PPP2R2A: variants seen among roughly 807,000 people sequenced by gnomAD.
PPP2R2A encodes serine/threonine-protein phosphatase 2A 55 kDa regulatory subunit B alpha isoform.
In PPP2R2A, 9 loss-of-function variants were observed where a neutral mutation model predicts 53.2. The ratio of observed to expected loss-of-function variants is 0.17; its 90% CI spans 0.10 to 0.30. The LOEUF (loss-of-function observed/expected upper bound fraction) is 0.30, where lower values mean the gene tolerates loss of function less well. PPP2R2A is among the 10% of genes least tolerant of loss of function. The probability of loss-of-function intolerance (pLI) is 1.00; values close to 1 mark genes in which losing one functional copy is unlikely to be tolerated. For synonymous variants in PPP2R2A, 169 were observed against 174.2 expected, an observed-to-expected ratio of 0.97 and a Z score of 0.23; for missense variants, 235 against 534.6, an observed-to-expected ratio of 0.44 and a Z score of 5.53.
intron 2 of PPP2R2A, among the ~76,000 whole-genome samples, chr8:26,302,703 A>C (rs896995784): frequency 6.6e-6 from 1 of 152,226 alleles, no homozygotes; most frequent in Non-Finnish European, 1.5e-5. Context: ...AACTGACAGA[A>C]TATATTGTGG....
chr8:26,347,642 A>C (rs1188040563), intron 3 of PPP2R2A, among the ~76,000 whole-genome samples: 1 of 152,166 alleles, frequency 6.6e-6, no homozygotes, highest in African/African-American at 2.4e-5. Flanking sequence ...CTTATAGACA[A>C]ATAATAATGC....
At position 26,360,023 on chromosome 8, in the gene PPP2R2A, T is replaced by C; in HGVS notation, c.347-146T>C. The C allele has an allele frequency of 2.0e-6, 1 of 502,626 alleles. No individual in the cohort carries two copies. Among genetic ancestry groups the C allele is most frequent in the Non-Finnish European group, 3.6e-6 (1 of 281,394 alleles). 31.1% of individuals were successfully genotyped at this position (502,626 alleles called of 1,614,324 possible). On this transcript the variant is annotated intron_variant, in intron 4 of 9. Transcript: ENST00000380737. This position sits in a 1 kb window ranked among gnomAD's most constrained non-coding sequence, Gnocchi z 4.5. ...TGTGTGTATGTTATTCAGCTGATAA[T>C]AGGAAATTTTTTAGTAAGTTCAGAT...
intron 2 of PPP2R2A, among the ~76,000 whole-genome samples, chr8:26,310,848 A>C (rs920943683): frequency 6.6e-6 from 1 of 152,070 alleles, no homozygotes; most frequent in Non-Finnish European, 1.5e-5. Flanking sequence ...AGCACGTTCA[A>C]ATGTTGGAGC....
chr8:26,316,228 G>A (rs908432725), intron 2 of PPP2R2A, among the ~76,000 whole-genome samples: 12 of 152,110 alleles, frequency 7.9e-5, no homozygotes, highest in Admixed American at 3.3e-4. Context: ...AGGTGTTCTC[G>A]AACTTGTGAG....
intron 2 of PPP2R2A, among the ~76,000 whole-genome samples, chr8:26,303,213 A>T (rs1585326034): frequency 6.6e-6 from 1 of 152,194 alleles, no homozygotes; most frequent in African/African-American, 2.4e-5. Context: ...GTGAAGGAAG[A>T]ATACCTTCAG....
In PPP2R2A at chr8:26,291,846, C is replaced by T. The variant is rs1341892462; in HGVS notation, c.7+20C>T. On this transcript the variant is annotated intron_variant, in intron 1 of 9. Coordinates refer to ENST00000380737, the MANE Select transcript of PPP2R2A (RefSeq NM_002717.4). ...TGGCAGGTAAAGGAGAAATCCCCCT[C>T]GCCCCCTGACAAGGCACCGCTTCCT... 1.9e-6 allele frequency: 3 copies of T among 1,608,418 alleles called. No individual in the cohort carries two copies. Among genetic ancestry groups the T allele is most frequent in the East Asian group, 2.3e-5 (1 of 44,192 alleles).
chr8:26,298,183 G>A (rs1465518396), intron 2 of PPP2R2A, among the ~76,000 whole-genome samples: 1 of 152,012 alleles, frequency 6.6e-6, no homozygotes, highest in African/African-American at 2.4e-5. Flanking sequence ...GGACATTTTT[G>A]TTTCAATTTT....
chr8:26,354,611 T>G lies in PPP2R2A; in HGVS notation c.324T>G (p.Ala108=). The G allele has an allele frequency of 6.2e-7, 1 of 1,607,406 alleles. No homozygotes were observed. Among genetic ancestry groups the G allele is most frequent in the Non-Finnish European group, 8.5e-7 (1 of 1,176,716 alleles). The change falls in exon 4 of 10, where the codon GCT becomes GCG. Residue 108 remains alanine (A), a synonymous_variant. Coordinates refer to ENST00000380737, the MANE Select transcript of PPP2R2A (RefSeq NM_002717.4). This position sits in a 1 kb window ranked among gnomAD's most constrained non-coding sequence, Gnocchi z 4.6. The part of the protein sequence containing the change: ...KIRWLPQKNA[A]QFLLSTNDKT... Reference sequence around the variant, plus strand: ...GGTGGTTACCCCAGAAAAATGCTGCTCAGTTTTTATTGTCTACCAATGGTA... The same window carrying G: ...GGTGGTTACCCCAGAAAAATGCTGCGCAGTTTTTATTGTCTACCAATGGTA...
At chr8:26,326,918 T>C (rs1803117300) in intron 2 of PPP2R2A, among the ~76,000 whole-genome samples, 1 of 152,228 alleles carries the variant, frequency 6.6e-6, no homozygotes, top group Admixed American at 6.5e-5. Flanking sequence ...AGACTAAATG[T>C]ATTAGCAGCT....
At chr8:26,363,985 G>T (rs1563326411) in intron 8 of PPP2R2A, 95 bp downstream of exon 8, 13 of 1,193,018 alleles carry the variant, frequency 1.1e-5, no homozygotes, top group Non-Finnish European at 1.4e-5. Context: ...TCCCTGTATG[G>T]TGTTTGTTCA....
rs1804306697 is a variant in PPP2R2A at position 26,348,011 on chromosome 8, A to G, written c.181-6457A>G. Reference sequence around the variant, plus strand: ...CAGATATCATTTAATTTTGTTTTGTACCATTTCTGCCACTGTCCCTGAATG... The same window carrying G: ...CAGATATCATTTAATTTTGTTTTGTGCCATTTCTGCCACTGTCCCTGAATG... On this transcript the variant is annotated intron_variant, in intron 3 of 9. Transcript: ENST00000380737. Among the ~76,000 whole-genome samples, 2 of 152,114 alleles carry G rather than the reference A, an allele frequency of 1.3e-5. 1 individual carries two copies. The highest frequency in any genetic ancestry group is 4.1e-4 in the South Asian group (2 of 4,826).
chr8:26,305,296 T>A (rs1184279801), intron 2 of PPP2R2A, among the ~76,000 whole-genome samples: 1 of 152,206 alleles, frequency 6.6e-6, no homozygotes, highest in Non-Finnish European at 1.5e-5. Flanking sequence ...CTTTTGTTTA[T>A]TCATTCATTC....
intron 3 of PPP2R2A, among the ~76,000 whole-genome samples, chr8:26,341,913 C>G (rs981457438): frequency 1.3e-5 from 2 of 152,102 alleles, no homozygotes; most frequent in African/African-American, 4.8e-5. Flanking sequence ...TTTATTTTAC[C>G]CTTCAGAAGT....
At chr8:26,339,316 G>A (rs913470681) in intron 3 of PPP2R2A, among the ~76,000 whole-genome samples, 2 of 152,038 alleles carry the variant, frequency 1.3e-5, no homozygotes, top group African/African-American at 2.4e-5. Context: ...TTGAAACTCC[G>A]TAAAGCAAAG....
At position 26,291,709 on chromosome 8, in the gene PPP2R2A, T is replaced by G; in HGVS notation, c.-111T>G. 6 of 298,506 alleles carry G rather than the reference T, an allele frequency of 2.0e-5. No homozygotes were observed. The highest frequency in any genetic ancestry group is 3.8e-5 in the Non-Finnish European group (6 of 158,072). The allele number at this position is 298,506 out of a possible 1,614,324, so 18.5% of individuals were successfully genotyped here. Reference sequence around the variant, plus strand: ...GGCCCCCGTCCCCTCCCCCCGCAGGTGCCATCCGCCGCCATCCGCCCTCTC... The same window carrying G: ...GGCCCCCGTCCCCTCCCCCCGCAGGGGCCATCCGCCGCCATCCGCCCTCTC... On this transcript the variant is annotated 5_prime_UTR_variant, in exon 1 of 10. Coordinates refer to ENST00000380737, the MANE Select transcript of PPP2R2A (RefSeq NM_002717.4).
At chr8:26,366,212 T>TAC in intron 8 of PPP2R2A, 103 bp from the exon 9 acceptor site, 1 of 795,272 alleles carries the variant, frequency 1.3e-6, no homozygotes, top group Non-Finnish European at 2.1e-6. Flanking sequence ...GTTTAAAAGG[T>TAC]GTGTGTATGT....
intron 4 of PPP2R2A, among the ~76,000 whole-genome samples, chr8:26,355,481 C>T (rs377494847): frequency 2.0e-5 from 3 of 152,254 alleles, no homozygotes; most frequent in East Asian, 3.9e-4. Context: ...TGGGCTCAAG[C>T]AGTCTGCCCC....
At chr8:26,341,531 G>A (rs950213817) in intron 3 of PPP2R2A, among the ~76,000 whole-genome samples, 1 of 152,248 alleles carries the variant, frequency 6.6e-6, no homozygotes, top group African/African-American at 2.4e-5. Flanking sequence ...CTAATTTGTA[G>A]ATAAAATCCA....
rs556045275 is a variant in PPP2R2A at position 26,359,751 on chromosome 8, C to G, written c.347-418C>G. 2.6e-5 allele frequency among the ~76,000 whole-genome samples: 4 copies of G among 152,284 alleles called. No homozygotes were observed. The East Asian group carries it at 7.7e-4, about 29-fold the overall frequency. On this transcript the variant is annotated intron_variant, in intron 4 of 9. Coordinates refer to ENST00000380737, the MANE Select transcript of PPP2R2A (RefSeq NM_002717.4). Reference sequence around the variant, plus strand: ...GGAGAGCAGCTTTACTATTTTGATTCTACATAATAGGCAGTCTTAATCAAC... The same window carrying G: ...GGAGAGCAGCTTTACTATTTTGATTGTACATAATAGGCAGTCTTAATCAAC...
Sources: gnomAD v4.1 joint callset for allele counts (sites outside exome capture counted in the v4.1 genomes callset) on GRCh38, gnomAD v4.1.1 for gene constraint, Gnocchi (gnomAD v3.1) non-coding constraint, MANE v1.5 for transcripts, NCBI Gene and HGNC (gene_info 2026-07-23, HGNC 2026-07-21) for gene names.